Variants in DCAF1 observed in about 807,000 individuals in gnomAD.
DCAF1 encodes DDB1- and CUL4-associated factor 1.
In DCAF1, 15 loss-of-function variants were observed where a neutral mutation model predicts 128.0. The ratio of observed to expected loss-of-function variants is 0.12; its 90% CI spans 0.08 to 0.18. The LOEUF (loss-of-function observed/expected upper bound fraction) is 0.18. Ranked by LOEUF, DCAF1 falls within the 10% of genes least tolerant of loss-of-function variation. The pLI, the probability that DCAF1 is intolerant of heterozygous loss-of-function variation, is 1.00. For missense variants in DCAF1, 988 were observed against 1,649.5 expected (o/e 0.60, Z 6.95); for synonymous variants, 610 against 603.0 (o/e 1.01, Z -0.17).
chr3:51,419,170 G>C (rs1488276165), intron 15 of DCAF1, among the ~76,000 whole-genome samples: 1 of 152,054 alleles, frequency 6.6e-6, no homozygotes, highest in Non-Finnish European at 1.5e-5. Flanking sequence ...AGACCAGCCT[G>C]GCCAACATGG....
At chr3:51,483,466 A>G (rs1341668964) in intron 3 of DCAF1, among the ~76,000 whole-genome samples, 3 of 152,008 alleles carry the variant, frequency 2.0e-5, no homozygotes, top group Non-Finnish European at 1.5e-5. Flanking sequence ...ATTAAATTAA[A>G]TAAGAAAATT....
At chr3:51,418,939 G>A (rs1699144202) in intron 15 of DCAF1, 63 bp from the exon 16 acceptor site, 2 of 1,490,210 alleles carry the variant, frequency 1.3e-6, no homozygotes, top group Admixed American at 4.9e-5. Context: ...AAAGCAAACT[G>A]CTAGGATAGA....
chr3:51,468,467 C>T (rs557715532), intron 4 of DCAF1, among the ~76,000 whole-genome samples: 26 of 152,216 alleles, frequency 1.7e-4, no homozygotes, highest in African/African-American at 5.3e-4. Context: ...CCATCACACG[C>T]GGCCTAGTTT....
intron 3 of DCAF1, among the ~76,000 whole-genome samples, chr3:51,481,865 C>G (rs1553652971): frequency 6.6e-6 from 1 of 152,090 alleles, no homozygotes; most frequent in Non-Finnish European, 1.5e-5. Context: ...TGGCGGGCAC[C>G]TGTAATCCCA....
intron 10 of DCAF1, among the ~76,000 whole-genome samples, chr3:51,431,292 T>C (rs1553635504): frequency 6.7e-6 from 1 of 148,764 alleles, no homozygotes; most frequent in South Asian, 2.1e-4. Flanking sequence ...CTGAGGCGGG[T>C]GGATCACTTG....
chr3:51,435,531 T>C (rs1477877732), intron 9 of DCAF1, among the ~76,000 whole-genome samples: 1 of 152,078 alleles, frequency 6.6e-6, no homozygotes, highest in African/African-American at 2.4e-5. Flanking sequence ...GCCAACATTG[T>C]GAAACCTAGC....
intron 9 of DCAF1, among the ~76,000 whole-genome samples, chr3:51,434,204 C>G (rs1007600848): frequency 3.3e-5 from 5 of 152,106 alleles, no homozygotes; most frequent in Non-Finnish European, 7.3e-5. Context: ...GAGTTCAGGG[C>G]CAGCCTGGAC....
chr3:51,432,858 A>C (rs1700513357), intron 10 of DCAF1, among the ~76,000 whole-genome samples: 1 of 152,132 alleles, frequency 6.6e-6, no homozygotes, highest in African/African-American at 2.4e-5. Flanking sequence ...AAACTAAATA[A>C]AGCTCCCAGA....
intron 2 of DCAF1, among the ~76,000 whole-genome samples, chr3:51,485,440 G>A (rs1466997886): frequency 6.6e-6 from 1 of 152,164 alleles, no homozygotes; most frequent in East Asian, 1.9e-4. Flanking sequence ...AGCTTTGGAG[G>A]ACCAAATAAG....
At chr3:51,404,849 C>G (rs1183280793) in intron 23 of DCAF1, among the ~76,000 whole-genome samples, 2 of 152,164 alleles carry the variant, frequency 1.3e-5, no homozygotes, top group African/African-American at 4.8e-5. Flanking sequence ...TAAATAACTA[C>G]TAAGCATTCA....
chr3:51,457,759 C>A (rs1438644081), intron 6 of DCAF1, among the ~76,000 whole-genome samples: 2 of 152,158 alleles, frequency 1.3e-5, no homozygotes, highest in Admixed American at 1.3e-4. Context: ...AACCAATATT[C>A]AACACTCTTA....
At chr3:51,401,481 TG>T (rs1465314509) in intron 24 of DCAF1, among the ~76,000 whole-genome samples, 1 of 152,218 alleles carries the variant, frequency 6.6e-6, no homozygotes, top group Non-Finnish European at 1.5e-5. Context: ...ACCTCAATTC[TG>T]AAGTCCACTC....
chr3:51,437,408 C>T (rs782527614), intron 9 of DCAF1: 2 of 511,734 alleles, frequency 3.9e-6, no homozygotes. Flanking sequence ...TCCATGATGA[C>T]TAAGCTGATC....
downstream of DCAF1, chr3:51,396,507 C>T (rs2089214795): frequency 6.0e-6 from 1 of 167,146 alleles, no homozygotes; most frequent in South Asian, 2.1e-4. Context: ...AGAAAACTTA[C>T]TTACTTCAGG....
chr3:51,438,018 G>A (rs17661242), intron 9 of DCAF1: 313,077 of 341,148 alleles, frequency 0.92, 145,663 homozygotes, highest in Non-Finnish European at 0.98. Context: ...ATCTTGGCTA[G>A]TTTTATACCT....
intron 23 of DCAF1, among the ~76,000 whole-genome samples, chr3:51,410,717 T>C (rs1483584314): frequency 6.6e-6 from 1 of 152,238 alleles, no homozygotes; most frequent in Non-Finnish European, 1.5e-5. Flanking sequence ...GCTATTACAT[T>C]AGCCCTAACC....
intron 5 of DCAF1, 86 bp downstream of exon 5, chr3:51,466,717 G>A (rs1470223168): frequency 4.1e-5 from 57 of 1,376,336 alleles, no homozygotes; most frequent in Non-Finnish European, 5.0e-5. Flanking sequence ...AAGGCCTTAG[G>A]AGAAGGCAAA....
intron 18 of DCAF1, among the ~76,000 whole-genome samples, chr3:51,415,740 C>A (rs1698822696): frequency 6.6e-6 from 1 of 152,008 alleles, no homozygotes; most frequent in African/African-American, 2.4e-5. Context: ...GGTCCCAAGC[C>A]CACCAAGCTC....
At chr3:51,448,323 C>A (rs1445127810) in intron 6 of DCAF1, among the ~76,000 whole-genome samples, 1 of 152,126 alleles carries the variant, frequency 6.6e-6, no homozygotes, top group East Asian at 1.9e-4. Flanking sequence ...TTTCTAGGAT[C>A]TTCATTATTA....
Sources: allele counts gnomAD v4.1 joint callset (sites outside exome capture counted in the v4.1 genomes callset), GRCh38; gene constraint gnomAD v4.1.1; transcripts MANE v1.5; gene names NCBI Gene and HGNC (gene_info 2026-07-23, HGNC 2026-07-21).